TOPORS: variants seen among roughly 807,000 people sequenced by gnomAD.
TOPORS encodes E3 ubiquitin-protein ligase Topors.
Under a neutral mutation model 81.4 loss-of-function variants are expected in TOPORS, and 25 were observed. The observed-to-expected ratio is 0.31, with a 90% CI of 0.22 to 0.43. The LOEUF (loss-of-function observed/expected upper bound fraction) is 0.43. TOPORS is among the 20% of genes least tolerant of loss of function. The pLI, the probability that TOPORS is intolerant of heterozygous loss-of-function variation, is 1.00. For missense variants in TOPORS, 1,101 were observed against 1,267.0 expected (o/e 0.87, Z 1.99); for synonymous variants, 473 against 456.6 (o/e 1.04, Z -0.46).
In TOPORS at chr9:32,540,791, T is replaced by C. The variant is rs1821044763; in HGVS notation, c.*596A>G. 1 of 152,654 alleles carries C rather than the reference T, an allele frequency of 6.6e-6. No individual in the cohort carries two copies. The highest frequency in any genetic ancestry group is 1.5e-5 in the Non-Finnish European group (1 of 68,052). The allele number at this position is 152,654 out of a possible 1,614,324, so 9.5% of individuals were successfully genotyped here. ...TCTGATTCTTGTTTTAAAGTGTTAC[T>C]GTTTTATTTTTTTTCTTTTGTTGAA... is the stretch of plus-strand genomic sequence containing the variant. On this transcript the variant is annotated 3_prime_UTR_variant, in exon 3 of 3. Transcript: ENST00000360538.
rs1005208284 is a variant in TOPORS, at chr9:32,540,786, G to A, written c.*601C>T. On this transcript the variant is annotated 3_prime_UTR_variant, in exon 3 of 3. Coordinates refer to ENST00000360538, the MANE Select transcript of TOPORS (RefSeq NM_005802.5). The stretch of plus-strand genomic sequence containing the variant: ...AAATGTCTGATTCTTGTTTTAAAGT[G>A]TTACTGTTTTATTTTTTTTCTTTTG... The A allele has an allele frequency of 6.6e-6, 1 of 152,340 alleles. No individual in the cohort carries two copies. The highest frequency in any genetic ancestry group is 2.4e-5 in the African/African-American group (1 of 41,356). The allele number at this position is 152,340 out of a possible 1,614,324, so 9.4% of individuals were successfully genotyped here.
intron 1 of TOPORS, chr9:32,552,169 G>C: frequency 4.0e-6 from 2 of 505,104 alleles, no homozygotes; most frequent in Non-Finnish European, 3.4e-6. Flanking sequence ...TATCTCCTTA[G>C]TTGGCAAAAA....
Position 32,543,511 on chromosome 9 carries a change from A to G in TOPORS, c.1014T>C (p.Ser338=), listed in dbSNP as rs1821101947. 1 of 1,613,984 alleles carries G rather than the reference A, an allele frequency of 6.2e-7. No homozygotes were observed. The highest frequency in any genetic ancestry group is 1.1e-5 in the South Asian group (1 of 91,090). Reference sequence around the variant, plus strand: ...GATTAAGTAAAAATGGTCTTAAATCAGACACAAATGCCTGACTCTCCAAGT... The same window carrying G: ...GATTAAGTAAAAATGGTCTTAAATCGGACACAAATGCCTGACTCTCCAAGT... ...RYDLESQAFV[S]DLRPFLLNRT... Residue 338 remains serine (S), a synonymous_variant, in exon 3 of 3, where the codon TCT becomes TCC. Transcript: ENST00000360538. This position sits in a 1 kb window ranked among gnomAD's most constrained non-coding sequence, Gnocchi z 5.6.
Position 32,544,207 on chromosome 9 carries a change from G to A in TOPORS, c.318C>T (p.Cys106=), listed in dbSNP as rs1821112816. ...AAGACACATTATCAAATCTATCCAA[G>A]CATATAGGACACTTAGAATCAGGAG... ...DASPDSKCPI[C]LDRFDNVSYL... is the part of the protein sequence containing the mutation. The change falls in exon 3 of 3, where the codon TGC becomes TGT. Residue 106 remains cysteine (C), a synonymous_variant. Transcript: ENST00000360538. The A allele has an allele frequency of 1.2e-6, 2 of 1,612,552 alleles. No individual in the cohort carries two copies. Among genetic ancestry groups the A allele is most frequent in the Non-Finnish European group, 1.7e-6 (2 of 1,180,018 alleles).
At chr9:32,549,777 C>G (rs149374171) in intron 2 of TOPORS, among the ~76,000 whole-genome samples, 1 of 152,020 alleles carries the variant, frequency 6.6e-6, no homozygotes, top group East Asian at 1.9e-4. Flanking sequence ...GAAAGATCAC[C>G]CAAGTATTAA....
rs1412971571 is a variant in TOPORS, at chr9:32,542,728, A to C, written c.1797T>G (p.Ser599Arg). The change falls in exon 3 of 3, where the codon AGT becomes AGG. Residue 599 changes from serine to arginine, a missense_variant. By Grantham distance (110) the Ser-to-Arg change is moderately radical. Transcript: ENST00000360538. ...HRHRKRGRSR[S>R]SDSRSQSRSG... ...TTCTACTCTGAGAACGTGAATCTGA[A>C]CTTCTTGATCTTCCCCTCTTTCTGT... The C allele has an allele frequency of 3.7e-6, 6 of 1,613,944 alleles. No homozygotes were observed. The highest frequency in any genetic ancestry group is 5.1e-6 in the Non-Finnish European group (6 of 1,179,996).
intron 2 of TOPORS, among the ~76,000 whole-genome samples, chr9:32,549,217 G>T (rs1305730043): frequency 6.6e-6 from 1 of 152,132 alleles, no homozygotes; most frequent in Non-Finnish European, 1.5e-5. Context: ...TGAGGCAGGG[G>T]AATGGCGTGA....
In TOPORS at chr9:32,550,996, G is replaced by A. The variant is rs1303606738; in HGVS notation, c.4-28C>T. The A allele has an allele frequency of 4.4e-6, 7 of 1,606,142 alleles. No homozygotes were observed. The East Asian group carries it at 1.1e-4, about 26-fold the overall frequency. On this transcript the variant is annotated intron_variant, in intron 1 of 2. Transcript: ENST00000360538. ...GTGACGCAAAGGGCTCATCACCAAT[G>A]GCAGCTCGGAAGCAGGGCAGAGAGC...
At chr9:32,544,456 T>A in intron 2 of TOPORS, 130 bp from the exon 3 acceptor site, 1 of 934,176 alleles carries the variant, frequency 1.1e-6, no homozygotes, top group Admixed American at 2.5e-5. Context: ...TTACTTTTGT[T>A]TTATTTTATA....
intron 2 of TOPORS, among the ~76,000 whole-genome samples, chr9:32,549,270 G>A (rs1181197898): frequency 2.0e-5 from 3 of 152,072 alleles, no homozygotes; most frequent in Non-Finnish European, 4.4e-5. Context: ...CTGCGCCACT[G>A]CACTCCAGCC....
intron 2 of TOPORS, among the ~76,000 whole-genome samples, chr9:32,547,573 T>C (rs752813002): frequency 2.3e-4 from 35 of 152,168 alleles, no homozygotes; most frequent in Admixed American, 5.9e-4. Context: ...CTTTTTATTA[T>C]GCTAAATGAA....
In TOPORS at chr9:32,552,508, C is replaced by G. The variant is rs1353771555; in HGVS notation, c.-72G>C. The G allele has an allele frequency of 6.4e-7, 1 of 1,567,576 alleles. No homozygotes were observed. The highest frequency in any genetic ancestry group is 8.7e-7 in the Non-Finnish European group (1 of 1,155,148). On this transcript the variant is annotated 5_prime_UTR_variant, in exon 1 of 3. Coordinates refer to ENST00000360538, the MANE Select transcript of TOPORS (RefSeq NM_005802.5). ...AGTCCCGGGGATCGCGGGCCCCCAC[C>G]GTGTCGACTCACTGGGCCCGCAGGC...
chr9:32,552,212 C>A (rs1024856547), intron 1 of TOPORS: 64 of 589,618 alleles, frequency 1.1e-4, no homozygotes, highest in Admixed American at 3.0e-4. Context: ...AACATTTTCT[C>A]GTTTATTCCC....
intron 1 of TOPORS, 128 bp from the exon 2 acceptor site, chr9:32,551,096 C>A: frequency 8.4e-7 from 1 of 1,184,728 alleles, no homozygotes. Context: ...AGATGGACGC[C>A]GGCCTCGGGG....
chr9:32,551,005 G>T, intron 1 of TOPORS, 37 bp from the exon 2 acceptor site: 1 of 1,603,260 alleles, frequency 6.2e-7, no homozygotes, highest in South Asian at 1.1e-5. Flanking sequence ...TGGCAGCTCG[G>T]AAGCAGGGCA....
chr9:32,541,659 C>G lies in TOPORS; in HGVS notation c.2866G>C (p.Glu956Gln), dbSNP rs1282071395. The change falls in exon 3 of 3, where the codon GAA (glutamate) becomes CAA (glutamine). Residue 956 changes from glutamate to glutamine, a missense_variant. Physicochemically the swap from Glu to Gln is conservative, Grantham distance 29. Coordinates refer to ENST00000360538, the MANE Select transcript of TOPORS (RefSeq NM_005802.5). ...TTGTCCAGCACACCAAATTCAGCTT[C>G]TATTGTAACTACATCTTTAGTTTCA... is the stretch of plus-strand genomic sequence containing the variant. ...PFETKDVVTI[E>Q]AEFGVLDKEC... 1 of 1,614,208 alleles carries G rather than the reference C, an allele frequency of 6.2e-7. No individual in the cohort carries two copies. Among genetic ancestry groups the G allele is most frequent in the Non-Finnish European group, 8.5e-7 (1 of 1,180,040 alleles).
intron 2 of TOPORS, among the ~76,000 whole-genome samples, chr9:32,550,505 C>T (rs750355860): frequency 2.6e-5 from 4 of 152,202 alleles, no homozygotes; most frequent in Non-Finnish European, 5.9e-5. Flanking sequence ...TGCTTTTTTG[C>T]TTTTCCCTGA....
In TOPORS at chr9:32,541,816, A is replaced by C. The variant is rs556954654; in HGVS notation, c.2709T>G (p.Arg903=). 9.3e-6 allele frequency: 15 copies of C among 1,614,078 alleles called. No individual in the cohort carries two copies. The highest frequency in any genetic ancestry group is 1.3e-5 in the Non-Finnish European group (15 of 1,180,036). The part of the protein sequence containing the change: ...HKKHHGDNAS[R]SPVVITIDSD... ...TGTCAATGGTAATTACAACTGGGGA[A>C]CGTGAAGCATTATCTCCATGGTGTT... is the stretch of plus-strand genomic sequence containing the variant. Residue 903 remains arginine, a synonymous_variant, in exon 3 of 3, where the codon CGT becomes CGG. Coordinates refer to ENST00000360538, the MANE Select transcript of TOPORS (RefSeq NM_005802.5).
intron 2 of TOPORS, among the ~76,000 whole-genome samples, chr9:32,549,317 A>C (rs905627038): frequency 7.2e-5 from 11 of 152,078 alleles, no homozygotes; most frequent in Non-Finnish European, 8.8e-5. Context: ...AAAAAAAATA[A>C]ATCAATAAAA....
Sources: gnomAD v4.1 joint callset for allele counts (sites outside exome capture counted in the v4.1 genomes callset) on GRCh38, gnomAD v4.1.1 for gene constraint, Gnocchi (gnomAD v3.1) non-coding constraint, MANE v1.5 for transcripts, NCBI Gene and HGNC (gene_info 2026-07-23, HGNC 2026-07-21) for gene names.